Variants in ARHGAP42 observed in about 807,000 individuals in gnomAD.
ARHGAP42 encodes the protein Rho GTPase activating protein 42.
In ARHGAP42, 63 loss-of-function variants were observed where a neutral mutation model predicts 125.0. The observed-to-expected ratio is 0.50, with a 90% CI of 0.41 to 0.62. The LOEUF (loss-of-function observed/expected upper bound fraction) is 0.62. ARHGAP42 is among the 20% of genes least tolerant of loss of function. The pLI is 0.00. For synonymous variants in ARHGAP42, 339 were observed against 351.0 expected (o/e 0.97, Z 0.38); for missense variants, 766 against 1,024.2 (o/e 0.75, Z 3.44).
intron 1 of ARHGAP42, among the ~76,000 whole-genome samples, chr11:100,742,626 C>T (rs536287236): frequency 1.3e-5 from 2 of 152,220 alleles, no homozygotes; most frequent in Admixed American, 1.3e-4. Context: ...TAGATATCAT[C>T]TGTATTCTGA....
chr11:100,851,323 A>G (rs901804653), intron 3 of ARHGAP42, among the ~76,000 whole-genome samples: 3 of 152,214 alleles, frequency 2.0e-5, no homozygotes, highest in Admixed American at 6.5e-5. Context: ...TGCCATTTAT[A>G]TTTAGTCATG....
chr11:100,917,986 A>G (rs1164954624), intron 5 of ARHGAP42, among the ~76,000 whole-genome samples: 2 of 152,176 alleles, frequency 1.3e-5, no homozygotes, highest in South Asian at 2.1e-4. Context: ...CCATTATCAG[A>G]TAAGAGATCT....
Position 100,965,694 on chromosome 11 carries a change from G to T in ARHGAP42, c.1468G>T (p.Val490Leu), listed in dbSNP as rs930731678. 23 of 1,550,512 alleles carry T rather than the reference G, an allele frequency of 1.5e-5. No homozygotes were observed. Among genetic ancestry groups the T allele is most frequent in the Non-Finnish European group, 1.9e-5 (22 of 1,146,908 alleles). Residue 490 changes from valine to leucine, a missense_variant, in exon 17 of 24, where the codon GTG (valine) becomes TTG (leucine). Physicochemically the swap from Val to Leu is conservative, Grantham distance 32. Around this residue, in one of 3 missense-constraint regions of ARHGAP42, gnomAD observed 455 missense variants for 636.5 expected, o/e 0.71. Transcript: ENST00000298815. The stretch of plus-strand genomic sequence containing the variant: ...AGAATCTGATGATCAAAACTACAGG[G>T]TGGAGGCTGTACATGCATTGGTGCA... ...AVKSDDQNYR[V>L]EAVHALVHKL...
At chr11:100,853,616 ATCTAC>A (rs1485296010) in intron 3 of ARHGAP42, among the ~76,000 whole-genome samples, 2 of 152,116 alleles carry the variant, frequency 1.3e-5, no homozygotes, top group African/African-American at 4.8e-5. Context: ...AAATTTTACA[ATCTAC>A]TCTCCTCTCC....
At chr11:100,808,255 G>C (rs936829782) in intron 3 of ARHGAP42, among the ~76,000 whole-genome samples, 3 of 152,150 alleles carry the variant, frequency 2.0e-5, no homozygotes, top group Non-Finnish European at 2.9e-5. Flanking sequence ...CTTTGCTTCT[G>C]ATTAAACCAT....
At chr11:100,800,555 G>C (rs892364157) in intron 3 of ARHGAP42, among the ~76,000 whole-genome samples, 3 of 152,146 alleles carry the variant, frequency 2.0e-5, no homozygotes, top group African/African-American at 7.2e-5. Context: ...GAGAGGAAAT[G>C]GCTCAAGAAT....
chr11:100,929,994 G>T (rs1212887138), intron 6 of ARHGAP42, among the ~76,000 whole-genome samples: 2 of 152,132 alleles, frequency 1.3e-5, no homozygotes, highest in Admixed American at 1.3e-4. Context: ...CAACTGGTTG[G>T]GTTATTGGAG....
intron 1 of ARHGAP42, among the ~76,000 whole-genome samples, chr11:100,723,698 T>C (rs1329476429): frequency 6.6e-6 from 1 of 152,206 alleles, no homozygotes; most frequent in Non-Finnish European, 1.5e-5. Flanking sequence ...TGTACAGTCT[T>C]GTCATCTGTA....
chr11:100,975,169 T>G (rs1858358033), intron 19 of ARHGAP42, among the ~76,000 whole-genome samples: 1 of 152,130 alleles, frequency 6.6e-6, no homozygotes, highest in African/African-American at 2.4e-5. Context: ...CAGTCAATAT[T>G]TAATAGAAAA....
chr11:100,805,066 TC>T (rs1280819786), intron 3 of ARHGAP42, among the ~76,000 whole-genome samples: 7 of 152,342 alleles, frequency 4.6e-5, no homozygotes, highest in African/African-American at 1.7e-4. Flanking sequence ...TGCAGTTGCT[TC>T]ATGTGTTTCA....
intron 9 of ARHGAP42, 24 bp downstream of exon 9, chr11:100,941,908 T>C: frequency 6.8e-7 from 1 of 1,466,942 alleles, no homozygotes; most frequent in Non-Finnish European, 9.2e-7. Flanking sequence ...GTTTTCTGTT[T>C]GTTTTTTAAA....
intron 6 of ARHGAP42, among the ~76,000 whole-genome samples, chr11:100,925,953 C>T (rs1325371741): frequency 2.6e-5 from 4 of 151,986 alleles, no homozygotes; most frequent in South Asian, 2.1e-4. Context: ...CAGAGCTGCC[C>T]GAAGTTATGA....
At chr11:100,763,765 C>T (rs1862764736) in intron 1 of ARHGAP42, among the ~76,000 whole-genome samples, 1 of 152,176 alleles carries the variant, frequency 6.6e-6, no homozygotes, top group African/African-American at 2.4e-5. Flanking sequence ...GCTGGGATTA[C>T]AGGCGTGAGC....
chr11:100,702,784 G>A (rs1158498040), intron 1 of ARHGAP42, among the ~76,000 whole-genome samples: 1 of 151,312 alleles, frequency 6.6e-6, no homozygotes, highest in Non-Finnish European at 1.5e-5. Flanking sequence ...CGATTCTCCT[G>A]CCTCAGCCTC....
intron 1 of ARHGAP42, among the ~76,000 whole-genome samples, chr11:100,694,908 G>A (rs7114498): frequency 0.016 from 2,383 of 152,338 alleles, 79 homozygotes; most frequent in African/African-American, 0.054. Flanking sequence ...GTGCATGCTT[G>A]TAATCACAGC....
chr11:100,898,241 GC>G (rs2135203637), intron 4 of ARHGAP42, among the ~76,000 whole-genome samples: 1 of 152,260 alleles, frequency 6.6e-6, no homozygotes, highest in South Asian at 2.1e-4. Context: ...GATTCAGTTT[GC>G]CAGTATTTTA....
chr11:100,982,420 T>G (rs1199793257), intron 22 of ARHGAP42, among the ~76,000 whole-genome samples: 3 of 152,166 alleles, frequency 2.0e-5, no homozygotes, highest in Admixed American at 1.3e-4. Flanking sequence ...CCCCAAGTGA[T>G]TCTTATGTAC....
intron 2 of ARHGAP42, among the ~76,000 whole-genome samples, chr11:100,788,815 T>G (rs1368504765): frequency 1.3e-5 from 2 of 152,214 alleles, no homozygotes; most frequent in East Asian, 3.8e-4. Context: ...CTTATTTTGG[T>G]TATGGATTAA....
intron 3 of ARHGAP42, chr11:100,839,818 G>T (rs1322908761): frequency 6.6e-6 from 1 of 152,136 alleles, no homozygotes; most frequent in African/African-American, 2.4e-5. Context: ...TCGGTCAAGG[G>T]TATATGAGTA....
Sources: allele counts gnomAD v4.1 joint callset (sites outside exome capture counted in the v4.1 genomes callset), GRCh38; gene constraint gnomAD v4.1.1; regional missense constraint gnomAD v4.1.1; transcripts MANE v1.5; gene names NCBI Gene and HGNC (gene_info 2026-07-23, HGNC 2026-07-21).